Variants in GLIS3 observed in about 807,000 individuals in gnomAD.
The protein encoded by GLIS3 is zinc finger protein GLIS3.
In GLIS3, 53 loss-of-function variants were observed where a neutral mutation model predicts 78.6. The ratio of observed to expected loss-of-function variants is 0.67; its 90% CI spans 0.54 to 0.85. The LOEUF is 0.85. Ranked by LOEUF, GLIS3 falls within the 40% of genes least tolerant of loss-of-function variation. The pLI, the probability that GLIS3 is intolerant of heterozygous loss-of-function variation, is 0.00. For synonymous variants in GLIS3, 684 were observed against 509.9 expected (o/e 1.34, Z -4.60); for missense variants, 1,703 against 1,231.1 (o/e 1.38, Z -5.74).
At chr9:4,378,078 C>A in the GLIS3 span, among the ~76,000 whole-genome samples, 1 of 151,996 alleles carries the variant, frequency 6.6e-6, no homozygotes, top group Non-Finnish European at 1.5e-5. Context: ...TTAGAATGAT[C>A]GTGAACATGA....
rs57472824 is a variant in GLIS3 at position 4,019,845 on chromosome 9, G to T, written c.1711-82656C>A. ...AATCCTGGGTTCAAGCAATCCTCCT[G>T]CCTCAGGCCACCACGAGTCCCCCAC... On this transcript the variant is annotated intron_variant, in intron 4 of 10. Coordinates refer to ENST00000381971, the MANE Select transcript of GLIS3 (RefSeq NM_001042413.2). 1.3e-3 allele frequency among the ~76,000 whole-genome samples: 192 copies of T among 152,268 alleles called. 1 individual carries two copies. Among genetic ancestry groups the T allele is most frequent in the African/African-American group, 4.4e-3 (182 of 41,540 alleles).
intron 2 of GLIS3, among the ~76,000 whole-genome samples, chr9:4,325,287 A>C (rs1260051389): frequency 1.3e-5 from 2 of 152,192 alleles, no homozygotes; most frequent in African/African-American, 4.8e-5. Context: ...CTTCTTGATG[A>C]GTGACAAGTT....
the GLIS3 span, among the ~76,000 whole-genome samples, chr9:4,396,928 C>G: frequency 2.0e-5 from 3 of 152,020 alleles, no homozygotes. Context: ...TGGGAAAACG[C>G]CCAGGCACTG....
At chr9:4,482,256 T>C in the GLIS3 span, among the ~76,000 whole-genome samples, 1 of 152,254 alleles carries the variant, frequency 6.6e-6, no homozygotes, top group East Asian at 1.9e-4. Flanking sequence ...TAAAGTTCTA[T>C]TGAAGCCAAG....
chr9:3,890,664 G>A (rs548476752), intron 7 of GLIS3, among the ~76,000 whole-genome samples: 8 of 152,142 alleles, frequency 5.3e-5, no homozygotes, highest in African/African-American at 1.7e-4. Flanking sequence ...AACATCTAGG[G>A]ACTGGAGATC....
intron 2 of GLIS3, among the ~76,000 whole-genome samples, chr9:4,259,687 C>A (rs1007048842): frequency 1.5e-4 from 23 of 152,100 alleles, no homozygotes; most frequent in African/African-American, 5.3e-4. Context: ...CTTAACCTAG[C>A]GAAGGAGGCA....
At chr9:4,187,724 T>C (rs1426815290) in intron 2 of GLIS3, among the ~76,000 whole-genome samples, 1 of 152,182 alleles carries the variant, frequency 6.6e-6, no homozygotes, top group African/African-American at 2.4e-5. Flanking sequence ...CCCTTGTAAG[T>C]TGGATTCCTA....
chr9:4,249,189 T>C (rs148671246), intron 2 of GLIS3, among the ~76,000 whole-genome samples: 2,707 of 152,310 alleles, frequency 0.018, 82 homozygotes, highest in African/African-American at 0.062. Context: ...GGGGATAGCA[T>C]TGAATCTGTA....
intron 4 of GLIS3, among the ~76,000 whole-genome samples, chr9:4,022,400 A>C (rs1486164696): frequency 6.6e-6 from 1 of 152,210 alleles, no homozygotes; most frequent in Non-Finnish European, 1.5e-5. Context: ...TAATGGAAAA[A>C]TCCTTATCCA....
chr9:4,334,630 G>C (rs1235563392), intron 2 of GLIS3, among the ~76,000 whole-genome samples: 2 of 152,210 alleles, frequency 1.3e-5, no homozygotes, highest in African/African-American at 2.4e-5. Context: ...ACCTGGCCTA[G>C]TGAGCACTGG....
At chr9:4,281,268 T>C (rs1563890663) in intron 2 of GLIS3, among the ~76,000 whole-genome samples, 1 of 152,230 alleles carries the variant, frequency 6.6e-6, no homozygotes, top group Non-Finnish European at 1.5e-5. Context: ...TCTTTTAAAA[T>C]TGTGGTAAAA....
At chr9:4,477,608 C>T in the GLIS3 span, among the ~76,000 whole-genome samples, 1 of 152,032 alleles carries the variant, frequency 6.6e-6, no homozygotes, top group Non-Finnish European at 1.5e-5. Context: ...GAGATAAGGT[C>T]TCCCTATGTT....
chr9:3,901,697 C>G (rs183849137), intron 6 of GLIS3, among the ~76,000 whole-genome samples: 16 of 152,284 alleles, frequency 1.1e-4, no homozygotes, highest in Admixed American at 7.8e-4. Context: ...AGGGAAGGGA[C>G]ATTTAACACA....
In GLIS3 at chr9:4,101,439, A is replaced by G. The variant is rs552612804; in HGVS notation, c.1710+16329T>C. On this transcript the variant is annotated intron_variant, in intron 4 of 10. Transcript: ENST00000381971. ...TCATGAGCATAGTGGGATATTTATT[A>G]TTCTGTATAAACCATATAAAGCTGT... is the stretch of plus-strand genomic sequence containing the variant. Among the ~76,000 whole-genome samples, 3 of 152,290 alleles carry G rather than the reference A, an allele frequency of 2.0e-5. No homozygotes were observed. The South Asian group carries it at 6.2e-4, about 32-fold the overall frequency.
intron 9 of GLIS3, among the ~76,000 whole-genome samples, chr9:3,831,401 C>A (rs948714670): frequency 1.3e-5 from 2 of 151,582 alleles, no homozygotes; most frequent in African/African-American, 4.9e-5. Flanking sequence ...CAAAGAAATA[C>A]AAATCAAAAC....
At chr9:4,033,039 G>C (rs1034370378) in intron 4 of GLIS3, among the ~76,000 whole-genome samples, 4 of 151,980 alleles carry the variant, frequency 2.6e-5, no homozygotes, top group African/African-American at 7.3e-5. Context: ...TTTTTTAGTA[G>C]AGACGGGGTT....
the GLIS3 span, among the ~76,000 whole-genome samples, chr9:4,464,383 AT>A: frequency 6.6e-6 from 1 of 151,076 alleles, no homozygotes; most frequent in Non-Finnish European, 1.5e-5. Flanking sequence ...TTATAATTTT[AT>A]TTTTTTAATT....
At chr9:4,164,226 C>T (rs1019936755) in intron 2 of GLIS3, among the ~76,000 whole-genome samples, 2 of 152,166 alleles carry the variant, frequency 1.3e-5, no homozygotes, top group Non-Finnish European at 2.9e-5. Context: ...TCTCTCTCAG[C>T]TTATCTCTGT....
intron 2 of GLIS3, among the ~76,000 whole-genome samples, chr9:4,246,438 A>G (rs1034410541): frequency 1.3e-4 from 20 of 152,150 alleles, no homozygotes; most frequent in African/African-American, 4.6e-4. Context: ...TTAAGGTAAG[A>G]TATTTTCACA....
Sources: allele counts gnomAD v4.1 joint callset (sites outside exome capture counted in the v4.1 genomes callset), GRCh38; gene constraint gnomAD v4.1.1; transcripts MANE v1.5; gene names NCBI Gene and HGNC (gene_info 2026-07-23, HGNC 2026-07-21).